The following AGMO variants were observed in gnomAD, a reference collection of about 807,000 sequenced individuals.
AGMO encodes glyceryl-ether monooxygenase.
Under a neutral mutation model 60.2 loss-of-function variants are expected in AGMO, and 75 were observed. The ratio of observed to expected loss-of-function variants is 1.25; its 90% CI spans 1.03 to 1.51. AGMO has a LOEUF of 1.51. AGMO is among the 40% of genes most tolerant of loss of function. AGMO has a pLI of 0.00. For missense variants in AGMO, 763 were observed against 525.5 expected, an observed-to-expected ratio of 1.45 and a Z score of -4.42; for synonymous variants, 261 against 177.1, an observed-to-expected ratio of 1.47 and a Z score of -3.76.
the AGMO span, among the ~76,000 whole-genome samples, chr7:15,145,665 C>T: frequency 6.6e-6 from 1 of 152,062 alleles, no homozygotes; most frequent in East Asian, 1.9e-4. Context: ...TTACTTTTCA[C>T]CTTTCACGTA....
At chr7:15,211,764 T>C (rs1052254375) in intron 12 of AGMO, among the ~76,000 whole-genome samples, 1 of 152,140 alleles carries the variant, frequency 6.6e-6, no homozygotes, top group East Asian at 1.9e-4. Flanking sequence ...ATAATTATTT[T>C]TATACAGATC....
chr7:15,140,415 T>TTTACC, the AGMO span, among the ~76,000 whole-genome samples: 4,638 of 152,276 alleles, frequency 0.03, 85 homozygotes, highest in Non-Finnish European at 0.041. Context: ...ATAAGTTATT[T>TTTACC]TTACCTTATC....
chr7:15,211,758 T>C (rs942308174), intron 12 of AGMO, among the ~76,000 whole-genome samples: 1 of 152,056 alleles, frequency 6.6e-6, no homozygotes, highest in African/African-American at 2.4e-5. Context: ...TCCAAAATAA[T>C]TATTTTTATA....
intron 4 of AGMO, among the ~76,000 whole-genome samples, chr7:15,430,778 G>C (rs1486189016): frequency 2.6e-5 from 4 of 151,628 alleles, no homozygotes; most frequent in African/African-American, 9.7e-5. Flanking sequence ...TATACTTTGA[G>C]TTTCTGGGTC....
At chr7:15,541,310 C>T (rs1335572905) in intron 3 of AGMO, among the ~76,000 whole-genome samples, 1 of 151,822 alleles carries the variant, frequency 6.6e-6, no homozygotes, top group Non-Finnish European at 1.5e-5. Context: ...TTAGTAGAGA[C>T]AAGGTTTCAC....
intron 12 of AGMO, among the ~76,000 whole-genome samples, chr7:15,358,801 C>A (rs1562455870): frequency 6.6e-6 from 1 of 152,138 alleles, no homozygotes; most frequent in Non-Finnish European, 1.5e-5. Context: ...AGTTTTAGGT[C>A]TGTTCTACCT....
At chr7:15,199,527 A>C (rs989441491), downstream of AGMO, among the ~76,000 whole-genome samples, 1 of 152,176 alleles carries the variant, frequency 6.6e-6, no homozygotes, top group Non-Finnish European at 1.5e-5. Flanking sequence ...CATACTAAAC[A>C]ACTATGTAAA....
At chr7:15,194,640 T>C in the AGMO span, among the ~76,000 whole-genome samples, 3 of 152,312 alleles carry the variant, frequency 2.0e-5, no homozygotes, top group Middle Eastern at 3.4e-3. Context: ...AAACATTTTA[T>C]GCAAATTATA....
the AGMO span, among the ~76,000 whole-genome samples, chr7:15,170,145 G>C: frequency 1.3e-5 from 2 of 152,228 alleles, no homozygotes; most frequent in Non-Finnish European, 1.5e-5. Context: ...CTTCTGACCA[G>C]GGGTGAGCAA....
chr7:15,437,688 C>T (rs899909680), intron 3 of AGMO, among the ~76,000 whole-genome samples: 1 of 152,098 alleles, frequency 6.6e-6, no homozygotes, highest in African/African-American at 2.4e-5. Flanking sequence ...GCGCCCGCCA[C>T]CACGCCAGGC....
the AGMO span, among the ~76,000 whole-genome samples, chr7:15,156,460 G>T: frequency 1.3e-5 from 2 of 152,172 alleles, no homozygotes; most frequent in African/African-American, 4.8e-5. Flanking sequence ...TGGGGCATGG[G>T]CACCCATGGC....
the AGMO span, among the ~76,000 whole-genome samples, chr7:15,180,675 T>C: frequency 1.3e-5 from 2 of 152,240 alleles, no homozygotes. Context: ...TCTTCCAAAT[T>C]CTTCCAGTCT....
intron 12 of AGMO, among the ~76,000 whole-genome samples, chr7:15,241,237 G>A (rs912824699): frequency 6.6e-6 from 1 of 151,686 alleles, no homozygotes; most frequent in African/African-American, 2.4e-5. Flanking sequence ...GAGGCGGGCG[G>A]ATCACGAGGT....
At chr7:15,372,615 C>A (rs1783264688) in intron 10 of AGMO, among the ~76,000 whole-genome samples, 1 of 151,736 alleles carries the variant, frequency 6.6e-6, no homozygotes, top group Non-Finnish European at 1.5e-5. Flanking sequence ...GACCACTGGC[C>A]AACTACACTA....
chr7:15,121,245 A>T, the AGMO span, among the ~76,000 whole-genome samples: 1 of 152,068 alleles, frequency 6.6e-6, no homozygotes, highest in Non-Finnish European at 1.5e-5. Flanking sequence ...GGTTGGTTCC[A>T]AGTCTTTGCT....
chr7:15,360,126 C>T (rs970116125), intron 12 of AGMO, among the ~76,000 whole-genome samples: 2 of 152,094 alleles, frequency 1.3e-5, no homozygotes, highest in Non-Finnish European at 2.9e-5. Context: ...TTATTTAATC[C>T]ACATGTCCAC....
intron 10 of AGMO, among the ~76,000 whole-genome samples, chr7:15,375,718 T>C (rs1199056641): frequency 2.0e-5 from 3 of 152,118 alleles, no homozygotes; most frequent in Non-Finnish European, 2.9e-5. Flanking sequence ...ATACTTTTAA[T>C]GAGGAAATGT....
At position 15,531,663 on chromosome 7, in the gene AGMO, T is replaced by TA. The variant is rs200135252; in HGVS notation, c.409+13108_409+13109insT. On this transcript the variant is annotated intron_variant, in intron 3 of 12. Transcript: ENST00000342526. ...TATATAGAAAATATAAATATATATA[T>TA]TTTTTTAGAGGGAGTCTCACTCTAT... is the stretch of plus-strand genomic sequence containing the variant. Among the ~76,000 whole-genome samples the TA allele has an allele frequency of 3.0e-3, 404 of 135,568 alleles. 7 individuals carry two copies. The highest frequency in any genetic ancestry group is 0.01 in the African/African-American group (369 of 35,522). The allele number at this position is 135,568 out of a possible 152,430, so 88.9% of individuals were successfully genotyped here.
At chr7:15,281,578 C>T (rs1293644811) in intron 12 of AGMO, among the ~76,000 whole-genome samples, 1 of 152,044 alleles carries the variant, frequency 6.6e-6, no homozygotes, top group South Asian at 2.1e-4. Context: ...TTCCTGCTAG[C>T]CTGGCAGGAG....
Sources: gnomAD v4.1 joint callset for allele counts (sites outside exome capture counted in the v4.1 genomes callset) on GRCh38, gnomAD v4.1.1 for gene constraint, MANE v1.5 for transcripts, NCBI Gene and HGNC (gene_info 2026-07-23, HGNC 2026-07-21) for gene names.